CRYBB1: variants seen among roughly 807,000 people sequenced by gnomAD.
The protein encoded by CRYBB1 is beta-crystallin B1.
In CRYBB1, 16 loss-of-function variants were observed where a neutral mutation model predicts 29.5. The ratio of observed to expected loss-of-function variants is 0.54; its 90% confidence interval spans 0.37 to 0.82. The LOEUF is 0.82. Among genes scored for constraint, CRYBB1 ranks in the 40% least tolerant of loss-of-function variants. The pLI is 0.00. For synonymous variants in CRYBB1, 127 were observed against 136.7 expected, an observed-to-expected ratio of 0.93 and a Z score of 0.49; for missense variants, 300 against 350.5, an observed-to-expected ratio of 0.86 and a Z score of 1.15.
At chr22:26,600,236 C>T (rs987129109) in intron 5 of CRYBB1, among the ~76,000 whole-genome samples, 6 of 152,128 alleles carry the variant, frequency 3.9e-5, no homozygotes, top group African/African-American at 1.4e-4. Context: ...CCCGTCTCTA[C>T]TAAAAATACA....
chr22:26,604,083 A>G (rs764687803), intron 4 of CRYBB1, among the ~76,000 whole-genome samples: 15 of 152,232 alleles, frequency 9.9e-5, no homozygotes, highest in Non-Finnish European at 1.9e-4. Flanking sequence ...TTCAAAAGTC[A>G]TCATGCACTG....
chr22:26,607,839 G>T, intron 4 of CRYBB1, 50 bp downstream of exon 4: 1 of 1,612,992 alleles, frequency 6.2e-7, no homozygotes, highest in Non-Finnish European at 8.5e-7. Context: ...ACTTACACCT[G>T]CCCTGCCCCG....
intron 5 of CRYBB1, 54 bp from the exon 6 acceptor site, chr22:26,599,727 A>C (rs1602319312): frequency 2.8e-6 from 4 of 1,447,254 alleles, no homozygotes; most frequent in East Asian, 4.6e-5. Context: ...GTTGCCTGGC[A>C]CCCAGACCCC....
chr22:26,600,575 G>A (rs971781089), intron 5 of CRYBB1, among the ~76,000 whole-genome samples: 3 of 152,196 alleles, frequency 2.0e-5, no homozygotes, highest in Non-Finnish European at 4.4e-5. Context: ...TGTCTGTACA[G>A]TGGGGATGAT....
At chr22:26,601,855 G>A (rs918228329) in intron 5 of CRYBB1, 24 bp downstream of exon 5, 10 of 1,611,478 alleles carry the variant, frequency 6.2e-6, no homozygotes, top group African/African-American at 4.0e-5. Context: ...CAGGGGACGC[G>A]GACCTGGCAG....
At chr22:26,608,701 G>A (rs1191331029) in intron 3 of CRYBB1, among the ~76,000 whole-genome samples, 1 of 152,026 alleles carries the variant, frequency 6.6e-6, no homozygotes, top group Non-Finnish European at 1.5e-5. Flanking sequence ...TTAAATGAAC[G>A]ACAGTCTCGG....
chr22:26,603,346 A>G (rs916041133), intron 4 of CRYBB1, among the ~76,000 whole-genome samples: 1 of 151,772 alleles, frequency 6.6e-6, no homozygotes, highest in African/African-American at 2.4e-5. Context: ...CCTGGCCAAC[A>G]TGGTGAAACC....
chr22:26,601,572 C>T lies in CRYBB1; in HGVS notation c.575+307G>A, dbSNP rs114192886. 3.4e-3 allele frequency among the ~76,000 whole-genome samples: 510 copies of T among 150,894 alleles called. 6 individuals carry two copies. Among genetic ancestry groups the T allele is most frequent in the African/African-American group, 0.012 (493 of 40,950 alleles). Reference sequence around the variant, plus strand: ...GGATGCATCCAGCCTCATCTATCCACATCAGCGCCGGCCCTTTTAGTTGAT... The same window carrying T: ...GGATGCATCCAGCCTCATCTATCCATATCAGCGCCGGCCCTTTTAGTTGAT... On this transcript the variant is annotated intron_variant, in intron 5 of 5. Coordinates refer to ENST00000647684, the MANE Select transcript of CRYBB1 (RefSeq NM_001887.4).
intron 5 of CRYBB1, among the ~76,000 whole-genome samples, chr22:26,600,295 G>A (rs573335617): frequency 5.3e-5 from 8 of 152,044 alleles, no homozygotes; most frequent in Admixed American, 2.6e-4. Flanking sequence ...CCAGCTACTC[G>A]GGAGACTGAA....
rs1205882729 is a variant in CRYBB1, at chr22:26,601,902, G to A, written c.552C>T (p.Gly184=). The A allele has an allele frequency of 1.2e-6, 2 of 1,612,276 alleles. No homozygotes were observed. Among genetic ancestry groups the A allele is most frequent in the Non-Finnish European group, 1.7e-6 (2 of 1,179,846 alleles). The part of the protein sequence containing the change: ...LWVYGFSDRV[G]SVKVSSGTWV... ...ACGTTCCACTGGAGACCTTCACGCT[G>A]CCCACGCGGTCACTGAAGCCGTAGA... The change falls in exon 5 of 6, where the codon GGC becomes GGT. Residue 184 remains glycine (G), a synonymous_variant. Coordinates refer to ENST00000647684, the MANE Select transcript of CRYBB1 (RefSeq NM_001887.4).
rs117943613 is a variant in CRYBB1, at chr22:26,602,846, G to A, written c.433-825C>T. ...TAGGTTCAAATCCTGCCTCTAGGCC[G>A]GGTGCGATGGCTCACTCCTATAATC... On this transcript the variant is annotated intron_variant, in intron 4 of 5. Transcript: ENST00000647684. 2.4e-4 allele frequency among the ~76,000 whole-genome samples: 37 copies of A among 152,064 alleles called. 3 individuals carry two copies. In the East Asian group the frequency reaches 6.6e-3, roughly 27 times the overall value.
chr22:26,610,553 C>A (rs977370712), intron 3 of CRYBB1, among the ~76,000 whole-genome samples: 1 of 152,152 alleles, frequency 6.6e-6, no homozygotes, highest in Admixed American at 6.5e-5. Flanking sequence ...CTGCTTCCAG[C>A]TGGGTTTTGG....
Position 26,608,162 on chromosome 22 carries a change from G to T in CRYBB1, c.300-141C>A. 1.4e-5 allele frequency: 18 copies of T among 1,265,628 alleles called. No homozygotes were observed. The South Asian group carries it at 2.2e-4, about 15-fold the overall frequency. The allele number at this position is 1,265,628 out of a possible 1,614,324, so 78.4% of individuals were successfully genotyped here. A position where few individuals can be genotyped will look rare whatever the true frequency, so the allele number is the denominator to read the frequency against. ...TCCAAAGGGGGCTGAACATGTCTGG[G>T]TTTGATTTTAGGCTCTGACACTTAC... is the stretch of plus-strand genomic sequence containing the variant. On this transcript the variant is annotated intron_variant, in intron 3 of 5. Coordinates refer to ENST00000647684, the MANE Select transcript of CRYBB1 (RefSeq NM_001887.4).
Position 26,612,096 on chromosome 22 carries a change from C to A in CRYBB1, c.275G>T (p.Arg92Leu), listed in dbSNP as rs750427170. The change falls in exon 3 of 6, where the codon CGC becomes CTC. Residue 92 changes from arginine (R) to leucine (L), a missense_variant. By Grantham distance (102) the Arg-to-Leu change is moderately radical. Transcript: ENST00000647684. ...CGGTCCCGCGGAGACAATGATGCTGCGCACACGGTCGAAGCCACGGTCTGC... is the reference window on the plus strand; with the variant it reads ...CGGTCCCGCGGAGACAATGATGCTGAGCACACGGTCGAAGCCACGGTCTGC... ...NLADRGFDRVRSIIVSAGPWV... is the reference protein window; with the variant it reads ...NLADRGFDRVLSIIVSAGPWV... 3.7e-6 allele frequency: 6 copies of A among 1,613,252 alleles called. No homozygotes were observed. The highest frequency in any genetic ancestry group is 5.1e-6 in the Non-Finnish European group (6 of 1,179,612).
chr22:26,617,099 G>A (rs118115451), intron 1 of CRYBB1, among the ~76,000 whole-genome samples: 10 of 152,224 alleles, frequency 6.6e-5, no homozygotes, highest in Admixed American at 2.6e-4. Context: ...AATACAGGCC[G>A]GGGACTGAGG....
In CRYBB1 at chr22:26,616,214, C is replaced by T. The variant is rs144659909; in HGVS notation, c.106G>A (p.Gly36Ser). Residue 36 changes from glycine (G) to serine (S), a missense_variant, in exon 2 of 6, where the codon GGC (glycine) becomes AGC (serine). Coordinates refer to ENST00000647684, the MANE Select transcript of CRYBB1 (RefSeq NM_001887.4). ...APPAGTSPSP[G>S]TTLAPTTVPI... ...ACGGTTGTTGGGGCCAGGGTAGTGC[C>T]GGGACTAGGGGATGTTCCTGCAGGT... is the stretch of plus-strand genomic sequence containing the variant. 115 of 1,614,044 alleles carry T rather than the reference C, an allele frequency of 7.1e-5. No individual in the cohort carries two copies. The highest frequency in any genetic ancestry group is 2.9e-4 in the African/African-American group (22 of 75,010).
chr22:26,617,598 CT>C (rs1929397936), intron 1 of CRYBB1, among the ~76,000 whole-genome samples: 1 of 151,624 alleles, frequency 6.6e-6, no homozygotes, highest in Admixed American at 6.6e-5. Context: ...CTGCTTCACC[CT>C]CTCCCTCTGT....
intron 5 of CRYBB1, among the ~76,000 whole-genome samples, chr22:26,601,630 C>T (rs1355361879): frequency 8.8e-6 from 1 of 113,198 alleles, no homozygotes; most frequent in East Asian, 3.4e-4. Flanking sequence ...CTTAGCAGCT[C>T]CTATTTTCTC....
chr22:26,605,248 A>G (rs562283149), intron 4 of CRYBB1, among the ~76,000 whole-genome samples: 3 of 152,248 alleles, frequency 2.0e-5, no homozygotes, highest in Admixed American at 6.5e-5. Flanking sequence ...ACAGTTTGCA[A>G]TTGTAGATGG....
Sources: gnomAD v4.1 joint callset for allele counts (sites outside exome capture counted in the v4.1 genomes callset) on GRCh38, gnomAD v4.1.1 for gene constraint, MANE v1.5 for transcripts, NCBI Gene and HGNC (gene_info 2026-07-23, HGNC 2026-07-21) for gene names.